The following GLG1 variants were observed in gnomAD, a reference collection of about 807,000 sequenced individuals.
GLG1 encodes golgi glycoprotein 1.
Under a neutral mutation model 160.5 loss-of-function variants are expected in GLG1, and 38 were observed. The observed-to-expected ratio is 0.24, with a 90% CI of 0.18 to 0.31. GLG1 has a LOEUF of 0.31. GLG1 is among the 10% of genes least tolerant of loss of function. GLG1 has a pLI of 1.00. For synonymous variants in GLG1, 644 were observed against 543.4 expected (o/e 1.19, Z -2.57); for missense variants, 1,373 against 1,505.2 (o/e 0.91, Z 1.45).
chr16:74,460,934 G>A (rs112342614), intron 22 of GLG1, among the ~76,000 whole-genome samples: 70 of 152,320 alleles, frequency 4.6e-4, no homozygotes, highest in African/African-American at 1.5e-3. Context: ...GTGCACACGC[G>A]CGTACCCGCA....
At chr16:74,514,645 A>C (rs1333969944) in intron 2 of GLG1, among the ~76,000 whole-genome samples, 2 of 152,236 alleles carry the variant, frequency 1.3e-5, no homozygotes, top group Non-Finnish European at 2.9e-5. Flanking sequence ...AGGAAGCACT[A>C]AACATGGATA....
chr16:74,606,681 G>C lies in GLG1; in HGVS notation c.414C>G (p.Leu138=), dbSNP rs149456257. Reference sequence around the variant, plus strand: ...CCTCCCTCACATCCTGCAGGCACTCGAGCACCGCCAGGTTGTTGCTCCAGG... The same window carrying C: ...CCTCCCTCACATCCTGCAGGCACTCCAGCACCGCCAGGTTGTTGCTCCAGG... ...KHTWSNNLAV[L]ECLQDVREPE... Residue 138 remains leucine (L), a synonymous_variant, in exon 1 of 26, where the codon CTC becomes CTG. Transcript: ENST00000422840. 8.2e-6 allele frequency: 13 copies of C among 1,591,648 alleles called. No individual in the cohort carries two copies. The highest frequency in any genetic ancestry group is 1.1e-5 in the South Asian group (1 of 89,254).
Position 74,606,870 on chromosome 16 carries a change from T to TTGC in GLG1, c.222_224dup (p.Gln84dup). 6.2e-7 allele frequency: 1 copy of TTGC among 1,600,308 alleles called. No homozygotes were observed. Among genetic ancestry groups the TTGC allele is most frequent in the Non-Finnish European group, 8.5e-7 (1 of 1,174,666 alleles). ...GCTGTTGCTGTTGCTGCTGCTGCTGTTGCTGCTGAAGCTGCGATGACTGAG... is the reference window on the plus strand; with the variant it reads ...GCTGTTGCTGTTGCTGCTGCTGCTGTTGCTGCTGCTGAAGCTGCGATGACTGAG... On this transcript the variant is annotated inframe_insertion, in exon 1 of 26. Coordinates refer to ENST00000422840, the MANE Select transcript of GLG1 (RefSeq NM_001145667.2).
intron 1 of GLG1, among the ~76,000 whole-genome samples, chr16:74,578,574 C>A (rs1957866388): frequency 6.6e-6 from 1 of 152,152 alleles, no homozygotes; most frequent in African/African-American, 2.4e-5. Flanking sequence ...CTAAGACTGA[C>A]TGTAGTCCTT....
In GLG1 at chr16:74,496,423, G is replaced by C; in HGVS notation, c.978+18C>G. 4 of 1,539,436 alleles carry C rather than the reference G, an allele frequency of 2.6e-6. No homozygotes were observed. Among genetic ancestry groups the C allele is most frequent in the Non-Finnish European group, 3.6e-6 (4 of 1,112,416 alleles). Reference sequence around the variant, plus strand: ...TAAAAATAAAAGGAAGAAAAGAACAGTTTCTGAGCTGACTCACATTTTCAC... The same window carrying C: ...TAAAAATAAAAGGAAGAAAAGAACACTTTCTGAGCTGACTCACATTTTCAC... On this transcript the variant is annotated intron_variant, in intron 5 of 25. Coordinates refer to ENST00000422840, the MANE Select transcript of GLG1 (RefSeq NM_001145667.2).
chr16:74,505,292 A>C (rs2016556170), intron 3 of GLG1, among the ~76,000 whole-genome samples: 1 of 152,236 alleles, frequency 6.6e-6, no homozygotes, highest in South Asian at 2.1e-4. Context: ...AGTTGTGTTT[A>C]CTTCTAAAGG....
At chr16:74,543,277 C>A (rs1752819604) in intron 1 of GLG1, among the ~76,000 whole-genome samples, 1 of 152,226 alleles carries the variant, frequency 6.6e-6, no homozygotes, top group African/African-American at 2.4e-5. Context: ...GAGACCAGGG[C>A]TAAATTGGGA....
At chr16:74,500,251 G>A (rs1054735217) in intron 4 of GLG1, among the ~76,000 whole-genome samples, 2 of 152,040 alleles carry the variant, frequency 1.3e-5, no homozygotes, top group African/African-American at 2.4e-5. Flanking sequence ...GAGAAAATAA[G>A]CTCATTTAGG....
chr16:74,597,615 A>G (rs991961671), intron 1 of GLG1, among the ~76,000 whole-genome samples: 1 of 152,062 alleles, frequency 6.6e-6, no homozygotes, highest in Non-Finnish European at 1.5e-5. Flanking sequence ...ACACTTTGGG[A>G]GGCCGAAGCT....
chr16:74,577,357 A>G (rs111455681), intron 1 of GLG1, among the ~76,000 whole-genome samples: 145 of 152,138 alleles, frequency 9.5e-4, no homozygotes, highest in Non-Finnish European at 1.7e-3. Context: ...CCCCATCTCT[A>G]CTAAAAATAC....
intron 2 of GLG1, among the ~76,000 whole-genome samples, chr16:74,509,127 AT>A (rs2016716108): frequency 6.7e-6 from 1 of 149,426 alleles, no homozygotes; most frequent in South Asian, 2.1e-4. Flanking sequence ...AAGGATGACT[AT>A]TCAGATATAT....
At chr16:74,454,662 T>TCC (rs1393951645) in intron 25 of GLG1, among the ~76,000 whole-genome samples, 26 of 52,510 alleles carry the variant, frequency 5.0e-4, no homozygotes, top group Non-Finnish European at 7.3e-4. Context: ...CGAGAATCCG[T>TCC]CCCCAAAAAA....
Position 74,503,654 on chromosome 16 carries a change from G to C in GLG1, c.651C>G (p.His217Gln). Reference protein sequence around the residue: ...HRGNITEYQCHQYITKMTAII... With the variant: ...HRGNITEYQCQQYITKMTAII... ...TGGCCGTCATCTTGGTAATGTACTG[G>C]TGACACTGATACTCAGTGATGTTGC... Residue 217 changes from histidine (H) to glutamine (Q), a missense_variant, in exon 4 of 26, where the codon CAC becomes CAG. Around this residue, in one of 4 missense-constraint regions of GLG1, gnomAD observed 174 missense variants for 229.9 expected, o/e 0.76. Coordinates refer to ENST00000422840, the MANE Select transcript of GLG1 (RefSeq NM_001145667.2). 3 of 1,610,836 alleles carry C rather than the reference G, an allele frequency of 1.9e-6. No homozygotes were observed. Among genetic ancestry groups the C allele is most frequent in the Non-Finnish European group, 2.5e-6 (3 of 1,177,014 alleles).
intron 3 of GLG1, among the ~76,000 whole-genome samples, chr16:74,507,383 G>A (rs897480815): frequency 6.6e-6 from 1 of 151,962 alleles, no homozygotes. Flanking sequence ...ACACAAAATG[G>A]GGCAAAACAA....
intron 1 of GLG1, among the ~76,000 whole-genome samples, chr16:74,599,286 T>G (rs891686684): frequency 6.6e-6 from 1 of 152,224 alleles, no homozygotes; most frequent in African/African-American, 2.4e-5. Flanking sequence ...TTTCAAGTTC[T>G]CTATTTCGGT....
rs192422935 is a variant in GLG1 at position 74,471,578 on chromosome 16, G to A, written c.2116-292C>T. ...ATCTAACATAGCCTCCCAACTGTCA[G>A]ATCCTAATGGTTCCTGGGTATGTTT... On this transcript the variant is annotated intron_variant, in intron 14 of 25. Transcript: ENST00000422840. Among the ~76,000 whole-genome samples, 13 of 152,156 alleles carry A rather than the reference G, an allele frequency of 8.5e-5. No individual in the cohort carries two copies. In the East Asian group the frequency reaches 2.5e-3, roughly 29 times the overall value.
rs1567450018 is a variant in GLG1, at chr16:74,452,607, C to T, written c.*560G>A. On this transcript the variant is annotated 3_prime_UTR_variant, in exon 26 of 26. Coordinates refer to ENST00000422840, the MANE Select transcript of GLG1 (RefSeq NM_001145667.2). ...GGGGAACGGCTGCCCACCCACGCCTCGGTGAAGACCACGGCCCTGGCGAGG... is the reference window on the plus strand; with the variant it reads ...GGGGAACGGCTGCCCACCCACGCCTTGGTGAAGACCACGGCCCTGGCGAGG... The T allele has an allele frequency of 6.0e-6, 6 of 1,000,728 alleles. No homozygotes were observed. The highest frequency in any genetic ancestry group is 4.4e-5 in the South Asian group (1 of 22,800). 62.0% of individuals were successfully genotyped at this position (1,000,728 alleles called of 1,614,324 possible).
Position 74,449,157 on chromosome 16 carries a change from T to A in GLG1, c.*4010A>T, listed in dbSNP as rs148590083. 6.6e-6 allele frequency: 1 copy of A among 152,282 alleles called. No individual in the cohort carries two copies. Among genetic ancestry groups the A allele is most frequent in the Non-Finnish European group, 1.5e-5 (1 of 68,096 alleles). 9.4% of individuals were successfully genotyped at this position (152,282 alleles called of 1,614,324 possible). On this transcript the variant is annotated 3_prime_UTR_variant, in exon 26 of 26. Coordinates refer to ENST00000422840, the MANE Select transcript of GLG1 (RefSeq NM_001145667.2). ...CGGCCAAAATTTAGGCTGACTGTTCTAGGGCTGGCTGACTTCCAAGGTTCC... is the reference window on the plus strand; with the variant it reads ...CGGCCAAAATTTAGGCTGACTGTTCAAGGGCTGGCTGACTTCCAAGGTTCC...
At chr16:74,476,800 GA>G (rs2015402743) in intron 12 of GLG1, among the ~76,000 whole-genome samples, 1 of 152,140 alleles carries the variant, frequency 6.6e-6, no homozygotes, top group Non-Finnish European at 1.5e-5. Flanking sequence ...TTAGGTAAGG[GA>G]ATGTATACAC....
Sources: gnomAD v4.1 joint callset for allele counts (sites outside exome capture counted in the v4.1 genomes callset) on GRCh38, gnomAD v4.1.1 for gene constraint, gnomAD v4.1.1 regional missense constraint, MANE v1.5 for transcripts, NCBI Gene and HGNC (gene_info 2026-07-23, HGNC 2026-07-21) for gene names.